PALS1: variants seen among roughly 807,000 people sequenced by gnomAD.
The protein encoded by PALS1 is protein PALS1.
In PALS1, 31 loss-of-function variants were observed where a neutral mutation model predicts 78.9. That is an observed-to-expected ratio of 0.39 (90% CI 0.30 to 0.53). PALS1 has a LOEUF of 0.53. Among genes scored for constraint, PALS1 ranks in the 20% least tolerant of loss-of-function variants. The pLI is 0.67. For synonymous variants in PALS1, 276 were observed against 270.9 expected, an observed-to-expected ratio of 1.02 and a Z score of -0.18; for missense variants, 704 against 826.5, an observed-to-expected ratio of 0.85 and a Z score of 1.82.
chr14:67,242,450 A>T (rs531054197), intron 1 of PALS1, among the ~76,000 whole-genome samples: 3 of 152,326 alleles, frequency 2.0e-5, no homozygotes, highest in South Asian at 2.1e-4. Context: ...CTGATTTTTT[A>T]AAAAAGCAAT....
rs546047720 is a variant in PALS1 at position 67,282,123 on chromosome 14, T to A, written c.367+2586T>A. Among the ~76,000 whole-genome samples the A allele has an allele frequency of 7.2e-5, 11 of 152,296 alleles. No homozygotes were observed. In the East Asian group the frequency reaches 2.1e-3, roughly 29 times the overall value. ...AGAATCATGAGAAATTAGCATAAGGTATAGTTTGCTATTGTCAGTCATAGC... is the reference window on the plus strand; with the variant it reads ...AGAATCATGAGAAATTAGCATAAGGAATAGTTTGCTATTGTCAGTCATAGC... On this transcript the variant is annotated intron_variant, in intron 3 of 14. Transcript: ENST00000261681.
intron 1 of PALS1, among the ~76,000 whole-genome samples, chr14:67,264,088 A>G (rs1199714781): frequency 6.6e-6 from 1 of 152,188 alleles, no homozygotes; most frequent in African/African-American, 2.4e-5. Context: ...AAATGAACAT[A>G]TAAGGTTGGT....
At chr14:67,296,098 T>C in intron 4 of PALS1, among the ~76,000 whole-genome samples, 1 of 148,998 alleles carries the variant, frequency 6.7e-6, no homozygotes, top group African/African-American at 2.5e-5. Flanking sequence ...TTTGGGAGGA[T>C]GGGAAGGATG....
chr14:67,272,540 C>T (rs1456116835), intron 2 of PALS1, among the ~76,000 whole-genome samples: 1 of 152,220 alleles, frequency 6.6e-6, no homozygotes, highest in East Asian at 1.9e-4. Flanking sequence ...GTTACTACTA[C>T]TACCACTATT....
At chr14:67,290,258 A>T (rs990818813) in intron 3 of PALS1, among the ~76,000 whole-genome samples, 1 of 152,208 alleles carries the variant, frequency 6.6e-6, no homozygotes, top group African/African-American at 2.4e-5. Flanking sequence ...TAGTCGAGAA[A>T]CTTTTAAAGA....
intron 4 of PALS1, among the ~76,000 whole-genome samples, chr14:67,299,108 G>C (rs1595596584): frequency 6.6e-6 from 1 of 152,176 alleles, no homozygotes; most frequent in African/African-American, 2.4e-5. Flanking sequence ...GATTCTAGCA[G>C]GTAGGTAATG....
Position 67,254,026 on chromosome 14 carries a change from C to CT in PALS1, c.-237+12493_-237+12494insT, listed in dbSNP as rs1459051290. Reference sequence around the variant, plus strand: ...TGTCTTTTTTGGGCCTTATATTCATCCCCCCCCCCTTACAAGTTTTCTTAG... The same window carrying CT: ...TGTCTTTTTTGGGCCTTATATTCATCTCCCCCCCCCTTACAAGTTTTCTTAG... On this transcript the variant is annotated intron_variant, in intron 1 of 14. Coordinates refer to ENST00000261681, the MANE Select transcript of PALS1 (RefSeq NM_022474.4). 1.4e-4 allele frequency among the ~76,000 whole-genome samples: 11 copies of CT among 77,508 alleles called. No homozygotes were observed. The East Asian group carries it at 8.1e-3, about 57-fold the overall frequency. 50.8% of individuals were successfully genotyped at this position (77,508 alleles called of 152,430 possible).
Position 67,321,168 on chromosome 14 carries a change from A to C in PALS1, c.1649A>C (p.Glu550Ala). Residue 550 changes from glutamate (E) to alanine (A), a missense_variant, in exon 13 of 15, where the codon GAA (glutamate) becomes GCA (alanine). Transcript: ENST00000261681. Reference sequence around the variant, plus strand: ...GCTGGAAAGTTCATTGAGCATGGTGAATTTGAGAAGAATTTGTATGGAACT... The same window carrying C: ...GCTGGAAAGTTCATTGAGCATGGTGCATTTGAGAAGAATTTGTATGGAACT... ...IAAGKFIEHG[E>A]FEKNLYGTSI... 1 of 1,614,240 alleles carries C rather than the reference A, an allele frequency of 6.2e-7. No homozygotes were observed. The highest frequency in any genetic ancestry group is 2.2e-5 in the East Asian group (1 of 44,890).
chr14:67,246,529 C>A (rs1403697569), intron 1 of PALS1, among the ~76,000 whole-genome samples: 1 of 151,908 alleles, frequency 6.6e-6, no homozygotes, highest in Non-Finnish European at 1.5e-5. Flanking sequence ...TTTGTAGAGA[C>A]AAGATCTCCC....
rs113126666 is a variant in PALS1, at chr14:67,266,387, G to A, written c.-236-3314G>A. 1.6e-3 allele frequency among the ~76,000 whole-genome samples: 237 copies of A among 152,076 alleles called. 1 individual carries two copies. Among genetic ancestry groups the A allele is most frequent in the African/African-American group, 5.6e-3 (232 of 41,504 alleles). Reference sequence around the variant, plus strand: ...GTTGCCCAGTCTGAAGTGCAGTGGCGTGATCTCAGCTCACTGCAGCCTCTG... The same window carrying A: ...GTTGCCCAGTCTGAAGTGCAGTGGCATGATCTCAGCTCACTGCAGCCTCTG... On this transcript the variant is annotated intron_variant, in intron 1 of 14. Transcript: ENST00000261681.
intron 14 of PALS1, among the ~76,000 whole-genome samples, chr14:67,331,651 C>G (rs1351644418): frequency 6.6e-6 from 1 of 151,962 alleles, no homozygotes; most frequent in African/African-American, 2.4e-5. Context: ...ACATGAAGTA[C>G]TAAATAAGTG....
At chr14:67,281,479 T>C (rs1567518783) in intron 3 of PALS1, among the ~76,000 whole-genome samples, 2 of 152,190 alleles carry the variant, frequency 1.3e-5, no homozygotes, top group Non-Finnish European at 2.9e-5. Flanking sequence ...TGATTGCTTC[T>C]TACTAGCCTT....
chr14:67,334,718 CT>C lies in PALS1; in HGVS notation c.*1763del, dbSNP rs879020669. 5.3e-5 allele frequency: 8 copies of C among 152,364 alleles called. No individual in the cohort carries two copies. The South Asian group carries it at 1.4e-3, about 28-fold the overall frequency. 9.4% of individuals were successfully genotyped at this position (152,364 alleles called of 1,614,324 possible). A position where few individuals can be genotyped will look rare whatever the true frequency, so the allele number is the denominator to read the frequency against. On this transcript the variant is annotated 3_prime_UTR_variant, in exon 15 of 15. Coordinates refer to ENST00000261681, the MANE Select transcript of PALS1 (RefSeq NM_022474.4). ...GGGAAGGAATGCCATACACTACTGT[CT>C]CTTCAGATCTGAAATACTCCAGTTT...
At chr14:67,323,946 C>A in intron 14 of PALS1, 134 bp downstream of exon 14, 1 of 546,662 alleles carries the variant, frequency 1.8e-6, no homozygotes, top group Non-Finnish European at 3.2e-6. Flanking sequence ...ATATTACTTG[C>A]CCAAAAATTG....
chr14:67,324,926 A>T (rs2085327646), intron 14 of PALS1, among the ~76,000 whole-genome samples: 2 of 87,438 alleles, frequency 2.3e-5, no homozygotes, highest in Non-Finnish European at 1.9e-5. Context: ...TTTTTTTGAG[A>T]CTGAGTCTTG....
intron 1 of PALS1, among the ~76,000 whole-genome samples, chr14:67,261,456 G>A (rs2084235644): frequency 6.6e-6 from 1 of 152,216 alleles, no homozygotes; most frequent in Non-Finnish European, 1.5e-5. Context: ...TTACAGTTAC[G>A]ATTTTGAAAA....
At chr14:67,319,558 T>C (rs1353584937) in intron 11 of PALS1, among the ~76,000 whole-genome samples, 1 of 147,086 alleles carries the variant, frequency 6.8e-6, no homozygotes, top group African/African-American at 2.5e-5. Context: ...AGAAGAAGAA[T>C]AGTCTGGGGC....
chr14:67,244,267 C>T (rs1436186366), intron 1 of PALS1, among the ~76,000 whole-genome samples: 2 of 152,158 alleles, frequency 1.3e-5, no homozygotes, highest in Non-Finnish European at 2.9e-5. Context: ...GTATACCTAC[C>T]TATAAGTGGA....
chr14:67,335,060 A>T lies in PALS1; in HGVS notation c.*2104A>T, dbSNP rs1277984156. The T allele has an allele frequency of 6.6e-6, 1 of 152,196 alleles. No homozygotes were observed. The highest frequency in any genetic ancestry group is 1.5e-5 in the Non-Finnish European group (1 of 68,036). The allele number at this position is 152,196 out of a possible 1,614,324, so 9.4% of individuals were successfully genotyped here. A position where few individuals can be genotyped will look rare whatever the true frequency, so the allele number is the denominator to read the frequency against. On this transcript the variant is annotated 3_prime_UTR_variant, in exon 15 of 15. Coordinates refer to ENST00000261681, the MANE Select transcript of PALS1 (RefSeq NM_022474.4). ...TGTCAAGATTCAGGAACATGGCTTT[A>T]ACAAGCAGATCTTGTATCAAGGCAG...
Sources: allele counts gnomAD v4.1 joint callset (sites outside exome capture counted in the v4.1 genomes callset), GRCh38; gene constraint gnomAD v4.1.1; transcripts MANE v1.5; gene names NCBI Gene and HGNC (gene_info 2026-07-23, HGNC 2026-07-21).